Variants in PLCB4 observed in about 807,000 individuals in gnomAD.
The protein encoded by PLCB4 is phospholipase C beta 4.
A neutral mutation model predicts 178.8 loss-of-function variants in PLCB4; 77 were observed. The ratio of observed to expected loss-of-function variants is 0.43; its 90% CI spans 0.36 to 0.52. PLCB4 has a LOEUF of 0.52. Ranked by LOEUF, PLCB4 falls within the 20% of genes least tolerant of loss-of-function variation. The pLI is 0.00. For synonymous variants in PLCB4, 496 were observed against 490.8 expected (o/e 1.01, Z -0.14); for missense variants, 1,024 against 1,453.4 (o/e 0.70, Z 4.80).
intron 2 of PLCB4, among the ~76,000 whole-genome samples, chr20:9,148,509 A>AT (rs925177007): frequency 4.0e-5 from 6 of 151,554 alleles, no homozygotes; most frequent in African/African-American, 7.3e-5. Flanking sequence ...TCGTTTTCAG[A>AT]TTTTTTTTTC....
intron 1 of PLCB4, among the ~76,000 whole-genome samples, chr20:9,075,066 T>G (rs2089782859): frequency 6.6e-6 from 1 of 152,164 alleles, no homozygotes; most frequent in Admixed American, 6.5e-5. Flanking sequence ...TATTTAATAC[T>G]TCTGACAGCC....
At chr20:9,373,844 A>G (rs1262032411) in intron 12 of PLCB4, among the ~76,000 whole-genome samples, 1 of 152,220 alleles carries the variant, frequency 6.6e-6, no homozygotes, top group Non-Finnish European at 1.5e-5. Context: ...CTTCACACAT[A>G]CAAAAAAAGT....
intron 30 of PLCB4, among the ~76,000 whole-genome samples, chr20:9,440,584 T>A (rs986873489): frequency 6.6e-6 from 1 of 152,220 alleles, no homozygotes; most frequent in African/African-American, 2.4e-5. Flanking sequence ...CATGGCATCC[T>A]TTCCACTACA....
At chr20:9,234,963 C>T (rs891990958) in intron 3 of PLCB4, among the ~76,000 whole-genome samples, 2 of 152,172 alleles carry the variant, frequency 1.3e-5, no homozygotes, top group Non-Finnish European at 1.5e-5. Context: ...AACTCCATTA[C>T]TGCAGTTGCT....
intron 3 of PLCB4, among the ~76,000 whole-genome samples, chr20:9,253,237 C>T (rs917930030): frequency 3.9e-5 from 6 of 152,180 alleles, no homozygotes; most frequent in Admixed American, 6.5e-5. Flanking sequence ...GGCCTGTGCA[C>T]ATTTCCAGCA....
chr20:9,097,310 G>C (rs1363097837), intron 2 of PLCB4, among the ~76,000 whole-genome samples: 1 of 142,734 alleles, frequency 7.0e-6, no homozygotes, highest in Non-Finnish European at 1.5e-5. Context: ...TGTTCTGAAA[G>C]GTGTAGTTGG....
At chr20:9,473,689 T>C (rs567548743) in intron 38 of PLCB4, among the ~76,000 whole-genome samples, 1 of 152,286 alleles carries the variant, frequency 6.6e-6, no homozygotes, top group Non-Finnish European at 1.5e-5. Flanking sequence ...CATTTAGAGT[T>C]TTATAATTTG....
At chr20:9,233,690 CAAGT>C (rs1232641168) in intron 3 of PLCB4, among the ~76,000 whole-genome samples, 1 of 152,080 alleles carries the variant, frequency 6.6e-6, no homozygotes, top group East Asian at 1.9e-4. Flanking sequence ...AATAAGGTTG[CAAGT>C]AAGTTTGAGA....
At chr20:9,240,866 G>C (rs1395141360) in intron 3 of PLCB4, among the ~76,000 whole-genome samples, 3 of 152,062 alleles carry the variant, frequency 2.0e-5, no homozygotes, top group African/African-American at 7.2e-5. Context: ...CAACAACCCT[G>C]GCCACTTAGG....
intron 3 of PLCB4, among the ~76,000 whole-genome samples, chr20:9,301,289 G>A (rs68083603): frequency 0.17 from 26,135 of 151,654 alleles, 4,358 homozygotes; most frequent in African/African-American, 0.43. Flanking sequence ...TATTCAGCCT[G>A]CCATACCCAG....
intron 7 of PLCB4, among the ~76,000 whole-genome samples, chr20:9,341,583 A>C (rs1165797911): frequency 1.3e-5 from 2 of 152,088 alleles, no homozygotes; most frequent in Non-Finnish European, 1.5e-5. Flanking sequence ...GAAGAGGAAG[A>C]GGTTGGTCTT....
intron 2 of PLCB4, among the ~76,000 whole-genome samples, chr20:9,128,050 C>A (rs6140869): frequency 0.2 from 29,942 of 152,008 alleles, 3,924 homozygotes; most frequent in East Asian, 0.55. Context: ...GAAATGTAAT[C>A]CCCATTGTTG....
chr20:9,249,419 C>A (rs1233187944), intron 3 of PLCB4, among the ~76,000 whole-genome samples: 1 of 152,046 alleles, frequency 6.6e-6, no homozygotes, highest in African/African-American at 2.4e-5. Context: ...GGGATCTTCC[C>A]ACCTCAGCCT....
chr20:9,458,740 C>T (rs1046597131), intron 34 of PLCB4, among the ~76,000 whole-genome samples: 2 of 152,126 alleles, frequency 1.3e-5, no homozygotes, highest in African/African-American at 2.4e-5. Flanking sequence ...CCTCTGCTTG[C>T]ATCACATTTG....
At chr20:9,339,748 T>C (rs2032950166) in intron 7 of PLCB4, among the ~76,000 whole-genome samples, 1 of 152,140 alleles carries the variant, frequency 6.6e-6, no homozygotes, top group Non-Finnish European at 1.5e-5. Context: ...GGGTGGGCAG[T>C]ACGGGTCTGG....
At chr20:9,218,250 G>A (rs1238967254) in intron 3 of PLCB4, among the ~76,000 whole-genome samples, 1 of 152,100 alleles carries the variant, frequency 6.6e-6, no homozygotes, top group African/African-American at 2.4e-5. Context: ...AGCATTACAG[G>A]TGCATGCCAC....
At chr20:9,409,319 A>G (rs965212763) in intron 24 of PLCB4, 138 bp downstream of exon 24, 1 of 551,682 alleles carries the variant, frequency 1.8e-6, no homozygotes, top group Non-Finnish European at 3.0e-6. Context: ...TTGGATTTAT[A>G]TAATGGTGAG....
intron 3 of PLCB4, among the ~76,000 whole-genome samples, chr20:9,265,226 C>T (rs1390735006): frequency 6.6e-6 from 1 of 152,048 alleles, no homozygotes; most frequent in African/African-American, 2.4e-5. Context: ...CTCATGTCTG[C>T]AATTCCAGCA....
At chr20:9,258,949 G>A (rs1260743324) in intron 3 of PLCB4, among the ~76,000 whole-genome samples, 6 of 151,942 alleles carry the variant, frequency 3.9e-5, no homozygotes, top group Non-Finnish European at 8.8e-5. Flanking sequence ...AACAAAAGAA[G>A]GAAATATGGG....
Sources: gnomAD v4.1 joint callset for allele counts (sites outside exome capture counted in the v4.1 genomes callset) on GRCh38, gnomAD v4.1.1 for gene constraint, MANE v1.5 for transcripts, NCBI Gene and HGNC (gene_info 2026-07-23, HGNC 2026-07-21) for gene names.